GIGYF2: variants seen among roughly 807,000 people sequenced by gnomAD.
GIGYF2 encodes the protein GRB10-interacting GYF protein 2.
GIGYF2 carries 25 observed loss-of-function variants against 208.1 expected under a neutral mutation model. The observed-to-expected ratio is 0.12, with a 90% CI of 0.09 to 0.17. The LOEUF (loss-of-function observed/expected upper bound fraction) is 0.17, where lower values mean the gene tolerates loss of function less well. Ranked by LOEUF, GIGYF2 falls within the 10% of genes least tolerant of loss-of-function variation. The probability of loss-of-function intolerance (pLI) is 1.00; values close to 1 mark genes in which losing one functional copy is unlikely to be tolerated. For synonymous variants in GIGYF2, 534 were observed against 543.8 expected, an observed-to-expected ratio of 0.98 and a Z score of 0.25; for missense variants, 1,302 against 1,579.4, an observed-to-expected ratio of 0.82 and a Z score of 2.98.
chr2:232,850,489 A>G, intron 28 of GIGYF2, 80 bp downstream of exon 28: 4 of 1,283,760 alleles, frequency 3.1e-6, no homozygotes, highest in East Asian at 2.3e-5. Flanking sequence ...TCCATTGAGC[A>G]TTGTTTTTCA....
intron 3 of GIGYF2, among the ~76,000 whole-genome samples, chr2:232,746,396 T>G (rs991038658): frequency 3.9e-5 from 6 of 152,176 alleles, no homozygotes; most frequent in African/African-American, 1.4e-4. Flanking sequence ...TGAATAAAGC[T>G]TAGCAGTTTT....
Position 232,787,289 on chromosome 2 carries a change from A to G in GIGYF2, c.672A>G (p.Gly224=), listed in dbSNP as rs1699947452. 1 of 1,614,158 alleles carries G rather than the reference A, an allele frequency of 6.2e-7. No individual in the cohort carries two copies. Reference sequence around the variant, plus strand: ...AAGATGGAGGTTGGCGACTAGCTGGATCAAGGAGGGATGGAGAGAGGTGGC... The same window carrying G: ...AAGATGGAGGTTGGCGACTAGCTGGGTCAAGGAGGGATGGAGAGAGGTGGC... ...EDEDGGWRLA[G]SRRDGERWRP... The change falls in exon 9 of 29, where the codon GGA becomes GGG. Residue 224 remains glycine, a synonymous_variant. Transcript: ENST00000373563.
intron 22 of GIGYF2, among the ~76,000 whole-genome samples, chr2:232,836,287 T>A (rs868863952): frequency 2.8e-4 from 2 of 7,094 alleles, no homozygotes; most frequent in African/African-American, 1.2e-3. Flanking sequence ...TATATATATA[T>A]ATATATATAT....
intron 8 of GIGYF2, among the ~76,000 whole-genome samples, chr2:232,782,011 A>T (rs1410976029): frequency 6.6e-6 from 1 of 152,170 alleles, no homozygotes; most frequent in Non-Finnish European, 1.5e-5. Context: ...CATTTTGCCA[A>T]CTGAATAAGG....
chr2:232,740,566 C>T (rs1029570388), intron 3 of GIGYF2, among the ~76,000 whole-genome samples: 1 of 152,124 alleles, frequency 6.6e-6, no homozygotes, highest in Non-Finnish European at 1.5e-5. Flanking sequence ...TATATATTTG[C>T]GCCTTGCCCA....
chr2:232,707,623 C>T (rs1390434923), intron 2 of GIGYF2, among the ~76,000 whole-genome samples: 1 of 149,838 alleles, frequency 6.7e-6, no homozygotes, highest in East Asian at 2.0e-4. Context: ...TTTTGTATTA[C>T]TTCTACCATT....
intron 28 of GIGYF2, among the ~76,000 whole-genome samples, chr2:232,852,152 T>C (rs1690365318): frequency 6.6e-6 from 1 of 152,120 alleles, no homozygotes; most frequent in Non-Finnish European, 1.5e-5. Flanking sequence ...GTGGTAACCT[T>C]ACTGTACCCT....
rs1700758029 is a variant in GIGYF2, at chr2:232,812,354, G to C, written c.2007-37G>C. ...ATCTTTTTTTTTTTTTCCTGCAAAT[G>C]ACAAGAACAAGTTAATTTTTTATTT... On this transcript the variant is annotated intron_variant, in intron 17 of 28. Coordinates refer to ENST00000373563, the MANE Select transcript of GIGYF2 (RefSeq NM_001103146.3). 7.1e-6 allele frequency: 6 copies of C among 839,308 alleles called. No homozygotes were observed. The East Asian group carries it at 1.5e-4, about 21-fold the overall frequency. 52.0% of individuals were successfully genotyped at this position (839,308 alleles called of 1,614,324 possible).
chr2:232,835,834 C>T (rs1701571119), intron 22 of GIGYF2, among the ~76,000 whole-genome samples: 1 of 152,102 alleles, frequency 6.6e-6, no homozygotes, highest in African/African-American at 2.4e-5. Flanking sequence ...CCACTTATTG[C>T]TAGCTGATTG....
chr2:232,839,914 G>A lies in GIGYF2; in HGVS notation c.2832G>A (p.Leu944=), dbSNP rs373678022. The change falls in exon 23 of 29, where the codon CTG becomes CTA. Residue 944 remains leucine (L), a synonymous_variant. Transcript: ENST00000373563. ...NTTACQSQAT[L]SLAEIQKLEE... ...CAGCATGTCAGTCCCAGGCCACGCT[G>A]TCGTTGGCTGAAATCCAAAAACTAG... is the stretch of plus-strand genomic sequence containing the variant. 60 of 1,613,880 alleles carry A rather than the reference G, an allele frequency of 3.7e-5. No individual in the cohort carries two copies. Among genetic ancestry groups the A allele is most frequent in the African/African-American group, 3.1e-4 (23 of 74,918 alleles).
intron 2 of GIGYF2, chr2:232,734,301 A>G (rs561221790): frequency 1.3e-5 from 2 of 152,094 alleles, no homozygotes; most frequent in African/African-American, 4.8e-5. Flanking sequence ...ACCACAACTC[A>G]CTGCAGCCCC....
chr2:232,744,842 CT>C (rs1698091316), intron 3 of GIGYF2, among the ~76,000 whole-genome samples: 1 of 152,118 alleles, frequency 6.6e-6, no homozygotes. Context: ...CAATTGTGGT[CT>C]TTTTAGTAAT....
rs561627569 is a variant in GIGYF2 at position 232,731,883 on chromosome 2, A to T, written c.-43-3272A>T. On this transcript the variant is annotated intron_variant, in intron 2 of 28. Transcript: ENST00000373563. ...TTGTTAGAATTATTTTATATTTTTTAAAAAAGCTCTGTTAAACTTATTTAG... is the reference window on the plus strand; with the variant it reads ...TTGTTAGAATTATTTTATATTTTTTTAAAAAGCTCTGTTAAACTTATTTAG... Among the ~76,000 whole-genome samples, 364 of 72,156 alleles carry T rather than the reference A, an allele frequency of 5.0e-3. 2 individuals carry two copies. The highest frequency in any genetic ancestry group is 0.016 in the African/African-American group (352 of 22,554). 47.3% of individuals were successfully genotyped at this position (72,156 alleles called of 152,430 possible). A position where few individuals can be genotyped will look rare whatever the true frequency, so the allele number is the denominator to read the frequency against.
At position 232,812,460 on chromosome 2, in the gene GIGYF2, G is replaced by A; in HGVS notation, c.2076G>A (p.Trp692Ter). Residue 692 changes from tryptophan (W) to a stop codon, truncating the protein, a stop_gained, in exon 18 of 29, where the codon TGG becomes TGA. Transcript: ENST00000373563. LOFTEE classifies it high-confidence loss of function. ...CCGTGCCAGATACTGGCTCTATCTG[G>A]GAGCTTCAGCCAACAGCTTCACAGC... The part of the protein sequence containing the change: ...SVSVPDTGSI[W>*]ELQPTASQPT... 1 of 1,531,994 alleles carries A rather than the reference G, an allele frequency of 6.5e-7. No homozygotes were observed. The highest frequency in any genetic ancestry group is 9.0e-7 in the Non-Finnish European group (1 of 1,105,678). The allele number at this position is 1,531,994 out of a possible 1,614,324, so 94.9% of individuals were successfully genotyped here. A position where few individuals can be genotyped will look rare whatever the true frequency, so the allele number is the denominator to read the frequency against.
chr2:232,797,981 C>CAAAAAAAA (rs57991158), intron 14 of GIGYF2, among the ~76,000 whole-genome samples: 2 of 102,388 alleles, frequency 2.0e-5, no homozygotes, highest in African/African-American at 7.5e-5. Flanking sequence ...ACTGTGCCTC[C>CAAAAAAAA]AAAAAAAAAA....
chr2:232,774,957 T>TA (rs1699449761), intron 8 of GIGYF2, among the ~76,000 whole-genome samples: 1 of 152,218 alleles, frequency 6.6e-6, no homozygotes, highest in Non-Finnish European at 1.5e-5. Context: ...GTAGCACTCT[T>TA]ACTCTAGGCT....
At chr2:232,743,580 A>G (rs187088719) in intron 3 of GIGYF2, among the ~76,000 whole-genome samples, 137 of 152,298 alleles carry the variant, frequency 9.0e-4, no homozygotes, top group Non-Finnish European at 1.4e-3. Context: ...ACCCCCAAGT[A>G]GACCCCAGTG....
chr2:232,775,430 CAA>C (rs1250631406), intron 8 of GIGYF2, among the ~76,000 whole-genome samples: 1 of 152,132 alleles, frequency 6.6e-6, no homozygotes, highest in African/African-American at 2.4e-5. Flanking sequence ...ACAAAGGATA[CAA>C]GTTTCCTATA....
At chr2:232,769,867 A>G (rs765258610) in intron 8 of GIGYF2, among the ~76,000 whole-genome samples, 2 of 152,240 alleles carry the variant, frequency 1.3e-5, no homozygotes, top group African/African-American at 4.8e-5. Context: ...GATACATTAA[A>G]TAACAGTCTA....
Sources: allele counts gnomAD v4.1 joint callset (sites outside exome capture counted in the v4.1 genomes callset), GRCh38; gene constraint gnomAD v4.1.1; transcripts MANE v1.5; gene names NCBI Gene and HGNC (gene_info 2026-07-23, HGNC 2026-07-21).